Variants in OR6J1 observed in about 807,000 individuals in gnomAD.
OR6J1 encodes the protein olfactory receptor 6J1.
For synonymous variants in OR6J1, 109 were observed against 70.0 expected, an observed-to-expected ratio of 1.56 and a Z score of -2.78; for missense variants, 304 against 166.8, an observed-to-expected ratio of 1.82 and a Z score of -4.53.
intron 1 of OR6J1, among the ~76,000 whole-genome samples, chr14:22,643,564 T>C (rs1008538772): frequency 3.3e-5 from 5 of 152,048 alleles, no homozygotes; most frequent in Admixed American, 2.0e-4. Flanking sequence ...CCCAAAGTGC[T>C]GAGATTACAG....
chr14:22,635,038 G>A (rs1463519420), intron 1 of OR6J1, among the ~76,000 whole-genome samples, 200 bp from the exon 2 acceptor site: 1 of 152,232 alleles, frequency 6.6e-6, no homozygotes, highest in Non-Finnish European at 1.5e-5. Context: ...CAGCAAGGGT[G>A]TCCTGAGACC....
At chr14:22,635,353 C>A (rs546293306) in intron 1 of OR6J1, among the ~76,000 whole-genome samples, 2 of 152,048 alleles carry the variant, frequency 1.3e-5, no homozygotes, top group African/African-American at 4.8e-5. Flanking sequence ...ATATAAATGA[C>A]AAAACATTCA....
At position 22,640,254 on chromosome 14, in the gene OR6J1, GAAGC is replaced by G. The variant is rs1387082728; in HGVS notation, c.-28+3840_-28+3843del. On this transcript the variant is annotated intron_variant, in intron 1 of 1. Coordinates refer to ENST00000540461, the MANE Select transcript of OR6J1 (RefSeq NM_001348233.2). ...GGAAGGAAGGATGGAAGGAAGGAAG[GAAGC>G]AAGGAAGGAAGGAAGGAAGGAAGGA... Among the ~76,000 whole-genome samples the G allele has an allele frequency of 1.9e-3, 180 of 92,384 alleles. 3 individuals carry two copies. Among genetic ancestry groups the G allele is most frequent in the East Asian group, 0.01 (31 of 3,002 alleles). 60.6% of individuals were successfully genotyped at this position (92,384 alleles called of 152,430 possible).
chr14:22,634,801 C>T lies in OR6J1; in HGVS notation c.11G>A (p.Trp4Ter), dbSNP rs1325057306. The change falls in exon 2 of 2, where the codon TGG becomes TAG. Residue 4 changes from tryptophan to a stop codon, truncating the protein, a stop_gained. Coordinates refer to ENST00000540461, the MANE Select transcript of OR6J1 (RefSeq NM_001348233.2). LOFTEE classifies it low-confidence loss of function (END_TRUNC). The part of the protein sequence containing the change: MGN[W>*]TAAVTEFVLL... The stretch of plus-strand genomic sequence containing the variant: ...AACAAACTCAGTCACCGCTGCAGTC[C>T]AGTTACCCATGGGCCTGGTGGGCCT... The T allele has an allele frequency of 1.5e-6, 1 of 689,438 alleles. No homozygotes were observed. The highest frequency in any genetic ancestry group is 2.0e-5 in the Admixed American group (1 of 48,970). 42.7% of individuals were successfully genotyped at this position (689,438 alleles called of 1,614,324 possible).
At position 22,634,158 on chromosome 14, in the gene OR6J1, C is replaced by T. The variant is rs1006748650; in HGVS notation, c.654G>A (p.Thr218=). The T allele has an allele frequency of 2.8e-6, 2 of 703,188 alleles. No homozygotes were observed. Among genetic ancestry groups the T allele is most frequent in the East Asian group, 2.7e-5 (1 of 37,306 alleles). The allele number at this position is 703,188 out of a possible 1,614,324, so 43.6% of individuals were successfully genotyped here. ...CCIVLVAYSY[T]YIILTIVRIP... is the part of the protein sequence containing the mutation. Reference sequence around the variant, plus strand: ...TGCGCACTATGGTCAAGATGATGTACGTATAGGAATAGGCCACGAGGACTA... The same window carrying T: ...TGCGCACTATGGTCAAGATGATGTATGTATAGGAATAGGCCACGAGGACTA... The change falls in exon 2 of 2, where the codon ACG becomes ACA. Residue 218 remains threonine, a synonymous_variant. Coordinates refer to ENST00000540461, the MANE Select transcript of OR6J1 (RefSeq NM_001348233.2).
chr14:22,633,946 T>C lies in OR6J1; in HGVS notation c.866A>G (p.Tyr289Cys), dbSNP rs2037564641. Residue 289 changes from tyrosine to cysteine, a missense_variant, in exon 2 of 2, where the codon TAT becomes TGT. By Grantham distance (194) the Tyr-to-Cys change is radical. Transcript: ENST00000540461. ...VVTPFLNPFIYTLRNDTVQGV... is the reference protein window; with the variant it reads ...VVTPFLNPFICTLRNDTVQGV... ...CTGCACTGTGTCATTCCTCAGAGTA[T>C]ATATAAAGGGGTTGAGGAATGGAGT... The C allele has an allele frequency of 2.8e-6, 2 of 702,752 alleles. No homozygotes were observed. Among genetic ancestry groups the C allele is most frequent in the African/African-American group, 3.5e-5 (2 of 57,200 alleles). 43.5% of individuals were successfully genotyped at this position (702,752 alleles called of 1,614,324 possible).
Position 22,634,451 on chromosome 14 carries a change from G to A in OR6J1, c.361C>T (p.Arg121Cys), listed in dbSNP as rs45494902. The change falls in exon 2 of 2, where the codon CGT becomes TGT. Residue 121 changes from arginine (R) to cysteine (C), a missense_variant. Transcript: ENST00000540461. Reference sequence around the variant, plus strand: ...AGGGGGCAGCAGATGGTGGCATAACGGTCATAGGACATGACCGTCAGCAGG... The same window carrying A: ...AGGGGGCAGCAGATGGTGGCATAACAGTCATAGGACATGACCGTCAGCAGG... The part of the protein sequence containing the change: ...FLLLTVMSYD[R>C]YATICCPLRY... 0.032 allele frequency: 22,225 copies of A among 703,306 alleles called. 444 individuals are homozygous for A. Among genetic ancestry groups the A allele is most frequent in the Non-Finnish European group, 0.042 (16,158 of 384,928 alleles). 43.6% of individuals were successfully genotyped at this position (703,306 alleles called of 1,614,324 possible). A position where few individuals can be genotyped will look rare whatever the true frequency, so the allele number is the denominator to read the frequency against.
chr14:22,639,596 A>G (rs1159659890), intron 1 of OR6J1, among the ~76,000 whole-genome samples: 8 of 127,800 alleles, frequency 6.3e-5, no homozygotes, highest in South Asian at 2.2e-4. Context: ...GTGTCTGTGT[A>G]GAAGGAAGTA....
At chr14:22,638,685 T>TAAAAAAAAAAAAAAA (rs1566396382) in intron 1 of OR6J1, among the ~76,000 whole-genome samples, 1 of 139,652 alleles carries the variant, frequency 7.2e-6, no homozygotes, top group African/African-American at 3.2e-5. Flanking sequence ...TAAAAAAAAT[T>TAAAAAAAAAAAAAAA]AAGACACTAG....
In OR6J1 at chr14:22,634,820, T is replaced by G; in HGVS notation, c.-9A>C. The G allele has an allele frequency of 1.5e-6, 1 of 669,496 alleles. No homozygotes were observed. Among genetic ancestry groups the G allele is most frequent in the Middle Eastern group, 2.4e-4 (1 of 4,084 alleles). 41.5% of individuals were successfully genotyped at this position (669,496 alleles called of 1,614,324 possible). Reference sequence around the variant, plus strand: ...GCAGTCCAGTTACCCATGGGCCTGGTGGGCCTGGCTCAATTCTCCTAACAG... The same window carrying G: ...GCAGTCCAGTTACCCATGGGCCTGGGGGGCCTGGCTCAATTCTCCTAACAG... On this transcript the variant is annotated 5_prime_UTR_variant, in exon 2 of 2. Transcript: ENST00000540461.
chr14:22,641,244 A>AGAAAGAAG (rs2037645029), intron 1 of OR6J1, among the ~76,000 whole-genome samples: 1 of 38,228 alleles, frequency 2.6e-5, no homozygotes, highest in African/African-American at 9.3e-5. Flanking sequence ...AAAGAAAGAA[A>AGAAAGAAG]GAAAGAAAGA....
rs1365869956 is a variant in OR6J1 at position 22,634,315 on chromosome 14, G to C, written c.497C>G (p.Pro166Arg). ...LFPTILISQL[P>R]FCGSNIINHF... ...GTTAATGATATTGGAGCCACAGAAG[G>C]GCAGCTGGGAGATGAGGATGGTTGG... The change falls in exon 2 of 2, where the codon CCC becomes CGC. Residue 166 changes from proline to arginine, a missense_variant. Transcript: ENST00000540461. The C allele has an allele frequency of 1.4e-6, 1 of 703,388 alleles. No homozygotes were observed. Among genetic ancestry groups the C allele is most frequent in the Admixed American group, 2.0e-5 (1 of 50,008 alleles). The allele number at this position is 703,388 out of a possible 1,614,324, so 43.6% of individuals were successfully genotyped here. A position where few individuals can be genotyped will look rare whatever the true frequency, so the allele number is the denominator to read the frequency against.
At chr14:22,640,334 GA>G (rs1257663333) in intron 1 of OR6J1, among the ~76,000 whole-genome samples, 33 of 138,870 alleles carry the variant, frequency 2.4e-4, no homozygotes, top group African/African-American at 8.5e-4. Context: ...GAGGAGGGTA[GA>G]GGGGATGGGA....
At chr14:22,642,237 C>T (rs1312466594) in intron 1 of OR6J1, among the ~76,000 whole-genome samples, 1 of 149,586 alleles carries the variant, frequency 6.7e-6, no homozygotes, top group African/African-American at 2.5e-5. Flanking sequence ...TACATTCCAC[C>T]CATTTAAAAT....
intron 1 of OR6J1, among the ~76,000 whole-genome samples, chr14:22,643,714 AACACACACACACACACACACACAC>A (rs1183889876): frequency 1.2e-5 from 1 of 84,002 alleles, no homozygotes; most frequent in East Asian, 4.0e-4. Flanking sequence ...GCATGGCAGA[AACACACACACACACACACACACAC>A]ACACACACAC....
intron 1 of OR6J1, among the ~76,000 whole-genome samples, chr14:22,643,714 AACACACACAC>A (rs1183889876): frequency 0.012 from 979 of 83,950 alleles, 8 homozygotes; most frequent in Middle Eastern, 0.028. Flanking sequence ...GCATGGCAGA[AACACACACAC>A]ACACACACAC....
intron 1 of OR6J1, among the ~76,000 whole-genome samples, chr14:22,641,249 GAAA>G (rs2037645291): frequency 3.6e-5 from 2 of 54,848 alleles, no homozygotes; most frequent in Non-Finnish European, 7.7e-5. Flanking sequence ...AAGAAAGAAA[GAAA>G]GAAAGAAAGA....
At chr14:22,635,902 A>G (rs1332733817) in intron 1 of OR6J1, among the ~76,000 whole-genome samples, 1 of 152,192 alleles carries the variant, frequency 6.6e-6, no homozygotes, top group African/African-American at 2.4e-5. Flanking sequence ...ATAAGACCCA[A>G]AAAAGTGCTA....
At chr14:22,639,169 G>C (rs1566396624) in intron 1 of OR6J1, among the ~76,000 whole-genome samples, 1 of 111,804 alleles carries the variant, frequency 8.9e-6, no homozygotes, top group Non-Finnish European at 1.7e-5. Context: ...CCGCCCGGCA[G>C]CCACCCCATC....
Sources: gnomAD v4.1 joint callset for allele counts (sites outside exome capture counted in the v4.1 genomes callset) on GRCh38, gnomAD v4.1.1 for gene constraint, MANE v1.5 for transcripts, NCBI Gene and HGNC (gene_info 2026-07-23, HGNC 2026-07-21) for gene names.